ASCC3: variants seen among roughly 807,000 people sequenced by gnomAD.
The protein encoded by ASCC3 is ASC-1 complex subunit P200.
ASCC3 carries 158 observed loss-of-function variants against 256.3 expected under a neutral mutation model. That is an observed-to-expected ratio of 0.62 (90% CI 0.54 to 0.70). ASCC3 has a LOEUF of 0.70. ASCC3 is among the 30% of genes least tolerant of loss of function. The pLI is 0.00. For synonymous variants in ASCC3, 948 were observed against 883.4 expected, an observed-to-expected ratio of 1.07 and a Z score of -1.30; for missense variants, 2,259 against 2,626.0, an observed-to-expected ratio of 0.86 and a Z score of 3.05.
intron 34 of ASCC3, among the ~76,000 whole-genome samples, chr6:100,597,647 G>A (rs903626933): frequency 6.6e-6 from 1 of 151,748 alleles, no homozygotes; most frequent in Non-Finnish European, 1.5e-5. Flanking sequence ...GGCTACTGAA[G>A]GAACCAACAC....
chr6:100,850,978 T>TA, intron 3 of ASCC3, among the ~76,000 whole-genome samples: 1 of 152,242 alleles, frequency 6.6e-6, no homozygotes, highest in African/African-American at 2.4e-5. Flanking sequence ...CCATTGTAAA[T>TA]ACACATTTTT....
chr6:100,669,719 A>ATC (rs1776647526), intron 14 of ASCC3, among the ~76,000 whole-genome samples: 1 of 151,880 alleles, frequency 6.6e-6, no homozygotes, highest in African/African-American at 2.4e-5. Flanking sequence ...AGTTTGATAA[A>ATC]AAAGAAGAAA....
intron 4 of ASCC3, among the ~76,000 whole-genome samples, chr6:100,847,614 C>T (rs1333587004): frequency 1.3e-5 from 2 of 152,004 alleles, no homozygotes; most frequent in Admixed American, 6.6e-5. Context: ...GATTATTTAA[C>T]ATGTTACTTA....
intron 30 of ASCC3, among the ~76,000 whole-genome samples, chr6:100,614,714 G>A (rs1360121042): frequency 6.6e-6 from 1 of 152,112 alleles, no homozygotes; most frequent in Non-Finnish European, 1.5e-5. Context: ...TATTAATCAG[G>A]CTTAAGGGTG....
chr6:100,543,343 G>T (rs1030143417), intron 36 of ASCC3, among the ~76,000 whole-genome samples: 2 of 151,956 alleles, frequency 1.3e-5, no homozygotes, highest in African/African-American at 4.8e-5. Flanking sequence ...TTTTCGATCT[G>T]CAATTGATTA....
chr6:100,737,556 A>G (rs1024418951), intron 10 of ASCC3, among the ~76,000 whole-genome samples: 1 of 152,172 alleles, frequency 6.6e-6, no homozygotes, highest in African/African-American at 2.4e-5. Flanking sequence ...AAAGGGTATG[A>G]TCTCATTCCT....
chr6:100,552,097 A>C (rs907059002), intron 36 of ASCC3, among the ~76,000 whole-genome samples: 1 of 151,842 alleles, frequency 6.6e-6, no homozygotes, highest in African/African-American at 2.4e-5. Flanking sequence ...AGTGTTTATA[A>C]ACCACTTAAA....
intron 4 of ASCC3, among the ~76,000 whole-genome samples, chr6:100,839,589 C>T (rs1772041310): frequency 1.3e-5 from 2 of 152,056 alleles, no homozygotes; most frequent in Non-Finnish European, 2.9e-5. Context: ...TCAGACTTTC[C>T]ACAAATCACA....
At chr6:100,581,764 G>A (rs1221688594) in intron 36 of ASCC3, among the ~76,000 whole-genome samples, 1 of 151,702 alleles carries the variant, frequency 6.6e-6, no homozygotes, top group Non-Finnish European at 1.5e-5. Flanking sequence ...TTTTGTATAA[G>A]GTGTAAGGAA....
At chr6:100,693,587 T>C (rs954181070) in intron 13 of ASCC3, among the ~76,000 whole-genome samples, 1 of 152,200 alleles carries the variant, frequency 6.6e-6, no homozygotes, top group Non-Finnish European at 1.5e-5. Context: ...AGACAATTAG[T>C]GTTCAAGCTG....
At chr6:100,545,410 T>G (rs951583140) in intron 36 of ASCC3, among the ~76,000 whole-genome samples, 6 of 152,324 alleles carry the variant, frequency 3.9e-5, no homozygotes, top group Admixed American at 3.9e-4. Context: ...TCTCTTGACC[T>G]TGTGATCTGC....
At chr6:100,711,299 G>A (rs983393607) in intron 13 of ASCC3, among the ~76,000 whole-genome samples, 11 of 152,058 alleles carry the variant, frequency 7.2e-5, no homozygotes, top group African/African-American at 2.4e-4. Flanking sequence ...AAAAGATATC[G>A]TAAGATGTGG....
chr6:100,672,376 A>G (rs1038360493), intron 14 of ASCC3, among the ~76,000 whole-genome samples: 1 of 151,998 alleles, frequency 6.6e-6, no homozygotes, highest in African/African-American at 2.4e-5. Flanking sequence ...GTCTTACTGT[A>G]TTGCCTGGAC....
intron 8 of ASCC3, among the ~76,000 whole-genome samples, chr6:100,786,240 A>AG (rs1256756774): frequency 2.0e-5 from 3 of 152,154 alleles, no homozygotes; most frequent in Non-Finnish European, 4.4e-5. Flanking sequence ...CATCTTCTTT[A>AG]GGGTGCTATG....
Position 100,508,223 on chromosome 6 carries a change from T to C in ASCC3, c.*1163A>G, listed in dbSNP as rs1401554391. 2.0e-5 allele frequency: 3 copies of C among 152,180 alleles called. No individual in the cohort carries two copies. The highest frequency in any genetic ancestry group is 4.4e-5 in the Non-Finnish European group (3 of 68,024). The allele number at this position is 152,180 out of a possible 1,614,324, so 9.4% of individuals were successfully genotyped here. A position where few individuals can be genotyped will look rare whatever the true frequency, so the allele number is the denominator to read the frequency against. ...TTTCTTCTTCTTTTTTATTTAAGCA[T>C]GGAAAAGGATATATACAAGCAATAC... On this transcript the variant is annotated 3_prime_UTR_variant, in exon 42 of 42. Coordinates refer to ENST00000369162, the MANE Select transcript of ASCC3 (RefSeq NM_006828.4).
At chr6:100,778,766 A>C (rs1233131104) in intron 8 of ASCC3, among the ~76,000 whole-genome samples, 3 of 152,210 alleles carry the variant, frequency 2.0e-5, no homozygotes, top group Admixed American at 6.5e-5. Flanking sequence ...GCCTCTAAAA[A>C]TTGAATAACT....
chr6:100,605,446 CACATT>C (rs1281986646), intron 33 of ASCC3, 117 bp downstream of exon 33: 2 of 710,934 alleles, frequency 2.8e-6, no homozygotes, highest in African/African-American at 3.6e-5. Context: ...TATATTGTTT[CACATT>C]ATATTAAATT....
intron 37 of ASCC3, among the ~76,000 whole-genome samples, chr6:100,525,823 T>G (rs546702384): frequency 3.0e-4 from 45 of 152,304 alleles, no homozygotes; most frequent in African/African-American, 1.0e-3. Context: ...GCAAAAAGTT[T>G]ATTTAAAAAA....
At chr6:100,735,456 ATTT>A (rs10549867) in intron 10 of ASCC3, among the ~76,000 whole-genome samples, 141,724 of 151,128 alleles carry the variant, frequency 0.94, 66,760 homozygotes, top group South Asian at 0.99. Context: ...TTAACATCTT[ATTT>A]TTTTTTTTTT....
Sources: gnomAD v4.1 joint callset for allele counts (sites outside exome capture counted in the v4.1 genomes callset) on GRCh38, gnomAD v4.1.1 for gene constraint, MANE v1.5 for transcripts, NCBI Gene and HGNC (gene_info 2026-07-23, HGNC 2026-07-21) for gene names.